The following RGS6 variants were observed in gnomAD, a reference collection of about 807,000 sequenced individuals.
The protein encoded by RGS6 is regulator of G protein signaling 6.
Under a neutral mutation model 78.5 loss-of-function variants are expected in RGS6, and 30 were observed. That is an observed-to-expected ratio of 0.38 (90% CI 0.29 to 0.52). The LOEUF (loss-of-function observed/expected upper bound fraction) is 0.52, where lower values mean the gene tolerates loss of function less well. RGS6 is among the 20% of genes least tolerant of loss of function. RGS6 has a pLI of 0.85. For synonymous variants in RGS6, 206 were observed against 206.0 expected, an observed-to-expected ratio of 1.00 and a Z score of 0.00; for missense variants, 495 against 609.7, an observed-to-expected ratio of 0.81 and a Z score of 1.98.
At chr14:72,384,572 G>C (rs985524016) in intron 3 of RGS6, among the ~76,000 whole-genome samples, 2 of 152,218 alleles carry the variant, frequency 1.3e-5, no homozygotes, top group East Asian at 3.9e-4. Flanking sequence ...TCAGTAAAGA[G>C]AGGATGTTAA....
chr14:72,097,089 G>T (rs1228402909), intron 2 of RGS6, among the ~76,000 whole-genome samples: 1 of 152,228 alleles, frequency 6.6e-6, no homozygotes, highest in Non-Finnish European at 1.5e-5. Context: ...GTAATTGGGA[G>T]TGAGTTGAAA....
chr14:72,502,491 C>T lies in RGS6; in HGVS notation c.965+7229C>T, dbSNP rs114151152. ...ACACAGCGTAAATAACTGGGCCAGG[C>T]GCGGTGACTTATGCCTGTAATCCCA... On this transcript the variant is annotated intron_variant, in intron 13 of 17. Coordinates refer to ENST00000553525, the MANE Select transcript of RGS6 (RefSeq NM_001204424.2). 6.1e-3 allele frequency among the ~76,000 whole-genome samples: 936 copies of T among 152,244 alleles called. 12 individuals are homozygous for T. The highest frequency in any genetic ancestry group is 0.022 in the African/African-American group (898 of 41,544).
the RGS6 span, chr14:72,619,215 G>A: frequency 7.3e-7 from 1 of 1,371,552 alleles, no homozygotes; most frequent in Non-Finnish European, 9.9e-7. Context: ...GGCTGGATAT[G>A]TGGGAGGAGG....
rs55943058 is a variant in RGS6, at chr14:72,363,999, TAA to T, written c.184+11831_184+11832del. Among the ~76,000 whole-genome samples the T allele has an allele frequency of 6.0e-4, 28 of 46,796 alleles. 1 individual carries two copies. The highest frequency in any genetic ancestry group is 4.5e-3 in the South Asian group (4 of 892). 30.7% of individuals were successfully genotyped at this position (46,796 alleles called of 152,430 possible). ...ACCATCACTTGTCAGTGGACAAGGC[TAA>T]AAAAAAAAAAAAAAAAAAAAAAAAA... is the stretch of plus-strand genomic sequence containing the variant. On this transcript the variant is annotated intron_variant, in intron 3 of 17. Transcript: ENST00000553525.
chr14:71,877,482 T>C, the RGS6 span, among the ~76,000 whole-genome samples: 1 of 152,266 alleles, frequency 6.6e-6, no homozygotes, highest in African/African-American at 2.4e-5. Context: ...TACTGAAGCT[T>C]GTGCATGCAT....
intron 2 of RGS6, among the ~76,000 whole-genome samples, chr14:72,161,056 C>T (rs2096845587): frequency 6.6e-6 from 1 of 152,190 alleles, no homozygotes; most frequent in South Asian, 2.1e-4. Flanking sequence ...GAATGCTATG[C>T]AGCCATAAAA....
At chr14:71,895,144 A>G in the RGS6 span, among the ~76,000 whole-genome samples, 2 of 152,028 alleles carry the variant, frequency 1.3e-5, no homozygotes, top group African/African-American at 4.8e-5. Flanking sequence ...CAGATTTTTT[A>G]GGGGAAAAAA....
chr14:72,330,080 G>A (rs924005531), intron 2 of RGS6, among the ~76,000 whole-genome samples: 2 of 152,250 alleles, frequency 1.3e-5, no homozygotes, highest in Non-Finnish European at 2.9e-5. Context: ...GTGAGGGACC[G>A]AGATTGTAGA....
chr14:72,318,331 G>C (rs1387826140), intron 2 of RGS6, among the ~76,000 whole-genome samples: 1 of 152,130 alleles, frequency 6.6e-6, no homozygotes, highest in Admixed American at 6.5e-5. Flanking sequence ...GCTGGCAGCT[G>C]ATTTGATGGT....
intron 17 of RGS6, among the ~76,000 whole-genome samples, chr14:72,560,993 T>C (rs1270962811): frequency 6.6e-6 from 1 of 152,116 alleles, no homozygotes; most frequent in Non-Finnish European, 1.5e-5. Flanking sequence ...CTCCCATCTA[T>C]AGCACCAGAA....
At chr14:72,312,117 C>T (rs896617944) in intron 2 of RGS6, among the ~76,000 whole-genome samples, 5 of 152,038 alleles carry the variant, frequency 3.3e-5, no homozygotes, top group African/African-American at 7.2e-5. Flanking sequence ...GCTCATTCTG[C>T]GCAAGGATCG....
intron 2 of RGS6, among the ~76,000 whole-genome samples, chr14:72,147,316 T>C (rs1055507825): frequency 2.0e-5 from 3 of 152,240 alleles, no homozygotes; most frequent in African/African-American, 7.2e-5. Context: ...ATTTTTTGTC[T>C]TAGTTTATTT....
intron 2 of RGS6, among the ~76,000 whole-genome samples, chr14:72,159,291 T>C (rs909093095): frequency 5.3e-5 from 8 of 152,208 alleles, no homozygotes; most frequent in Middle Eastern, 6.8e-3. Flanking sequence ...TCCAAAAATA[T>C]AGGATTTTCC....
At chr14:72,511,256 T>C (rs2096874750) in intron 14 of RGS6, among the ~76,000 whole-genome samples, 1 of 152,258 alleles carries the variant, frequency 6.6e-6, no homozygotes, top group South Asian at 2.1e-4. Flanking sequence ...AAAGATGTCT[T>C]AATAATGTTT....
intron 2 of RGS6, among the ~76,000 whole-genome samples, chr14:72,050,893 A>G (rs1417140475): frequency 1.3e-5 from 2 of 152,208 alleles, no homozygotes; most frequent in Non-Finnish European, 2.9e-5. Context: ...TCCTGGAACC[A>G]ATCCCCCAAG....
At chr14:71,962,252 AAC>A (rs907650997) in intron 1 of RGS6, among the ~76,000 whole-genome samples, 1 of 152,166 alleles carries the variant, frequency 6.6e-6, no homozygotes, top group African/African-American at 2.4e-5. Flanking sequence ...AGCCTGTTTT[AAC>A]ACACACAAAT....
chr14:72,061,817 G>A (rs988367783), intron 2 of RGS6, among the ~76,000 whole-genome samples: 2 of 152,272 alleles, frequency 1.3e-5, no homozygotes, highest in East Asian at 3.9e-4. Flanking sequence ...AGTATGTGGG[G>A]ACGACACATA....
At chr14:71,992,475 C>T (rs1395465343) in intron 2 of RGS6, among the ~76,000 whole-genome samples, 2 of 152,208 alleles carry the variant, frequency 1.3e-5, no homozygotes. Context: ...TGCATTCTGA[C>T]TTACACCTGC....
At chr14:71,999,236 A>C (rs927605301) in intron 2 of RGS6, among the ~76,000 whole-genome samples, 1 of 152,182 alleles carries the variant, frequency 6.6e-6, no homozygotes, top group African/African-American at 2.4e-5. Flanking sequence ...AGTGAAAATA[A>C]GTCCTGGTTA....
Sources: allele counts gnomAD v4.1 joint callset (sites outside exome capture counted in the v4.1 genomes callset), GRCh38; gene constraint gnomAD v4.1.1; transcripts MANE v1.5; gene names NCBI Gene and HGNC (gene_info 2026-07-23, HGNC 2026-07-21).